KAT8: variants seen among roughly 807,000 people sequenced by gnomAD.
KAT8 encodes the protein histone acetyltransferase KAT8.
Under a neutral mutation model 62.9 loss-of-function variants are expected in KAT8, and 40 were observed. The ratio of observed to expected loss-of-function variants is 0.64; its 90% CI spans 0.49 to 0.83. The LOEUF (loss-of-function observed/expected upper bound fraction) is 0.83, where lower values mean the gene tolerates loss of function less well. KAT8 is among the 40% of genes least tolerant of loss of function. The pLI is 0.00. For missense variants in KAT8, 387 were observed against 614.8 expected (o/e 0.63, Z 3.92); for synonymous variants, 278 against 254.5 (o/e 1.09, Z -0.88).
At chr16:31,125,312 G>A (rs2057524824) in intron 3 of KAT8, among the ~76,000 whole-genome samples, 1 of 151,888 alleles carries the variant, frequency 6.6e-6, no homozygotes, top group African/African-American at 2.4e-5. Context: ...CTGTAAAATT[G>A]AAATAACGCA....
intron 3 of KAT8, among the ~76,000 whole-genome samples, chr16:31,121,359 G>C (rs532837374): frequency 1.3e-5 from 2 of 152,160 alleles, no homozygotes; most frequent in Non-Finnish European, 2.9e-5. Context: ...GACCTCAGGT[G>C]ATCTGCCCAC....
Position 31,130,296 on chromosome 16 carries a change from G to A in KAT8, c.942G>A (p.Val314=), listed in dbSNP as rs777219253. Residue 314 remains valine (V), a synonymous_variant, in exon 8 of 11, where the codon GTG becomes GTA. Coordinates refer to ENST00000219797, the MANE Select transcript of KAT8 (RefSeq NM_032188.3). The part of the protein sequence containing the change: ...KEKESPDGNN[V]ACILTLPPYQ... ...AGGAGTCCCCGGATGGAAACAATGT[G>A]GCCTGCATCCTGACCTTGCCCCCCT... The A allele has an allele frequency of 1.4e-5, 22 of 1,614,058 alleles. No homozygotes were observed. Among genetic ancestry groups the A allele is most frequent in the Non-Finnish European group, 1.1e-5 (13 of 1,180,036 alleles).
intron 6 of KAT8, among the ~76,000 whole-genome samples, chr16:31,128,655 G>C (rs2057550672): frequency 6.6e-6 from 1 of 152,196 alleles, no homozygotes; most frequent in African/African-American, 2.4e-5. Flanking sequence ...CTGCTGGTGG[G>C]GTTAGGTTCA....
rs781554310 is a variant in KAT8, at chr16:31,130,242, G to A, written c.913-25G>A. On this transcript the variant is annotated intron_variant, in intron 7 of 10. Coordinates refer to ENST00000219797, the MANE Select transcript of KAT8 (RefSeq NM_032188.3). ...GAGAGTGGGGCAGAGCCTCCCCAGC[G>A]GCCCTGAGCACCTGCCTCCTGCAGG... is the stretch of plus-strand genomic sequence containing the variant. 34 of 1,613,568 alleles carry A rather than the reference G, an allele frequency of 2.1e-5. No homozygotes were observed. The East Asian group carries it at 2.2e-4, about 11-fold the overall frequency.
chr16:31,123,405 T>A (rs1184668561), intron 3 of KAT8, among the ~76,000 whole-genome samples: 1 of 151,826 alleles, frequency 6.6e-6, no homozygotes, highest in Non-Finnish European at 1.5e-5. Context: ...TTAGTAGAGA[T>A]AGGGTTTCAC....
At chr16:31,119,622 C>T (rs2143965038) in intron 1 of KAT8, among the ~76,000 whole-genome samples, 2 of 152,168 alleles carry the variant, frequency 1.3e-5, no homozygotes, top group Middle Eastern at 6.8e-3. Context: ...AGGTAAGCCT[C>T]AGTTTTGTTC....
chr16:31,129,950 C>T lies in KAT8; in HGVS notation c.772-67C>T, dbSNP rs534274399. ...CCACTTCGCGTGGGCTGGTGCCGGC[C>T]GCTGGAACCAGCTGGGTGGGGCCTG... On this transcript the variant is annotated intron_variant, in intron 6 of 10. Coordinates refer to ENST00000219797, the MANE Select transcript of KAT8 (RefSeq NM_032188.3). 2.0e-3 allele frequency: 3,204 copies of T among 1,575,260 alleles called. 7 individuals are homozygous for T. Among genetic ancestry groups the T allele is most frequent in the Non-Finnish European group, 2.6e-3 (2,992 of 1,159,086 alleles).
chr16:31,130,236 C>A (rs752044920), intron 7 of KAT8, 31 bp from the exon 8 acceptor site: 2 of 1,612,974 alleles, frequency 1.2e-6, no homozygotes, highest in African/African-American at 1.3e-5. Flanking sequence ...GCAGAGCCTC[C>A]CCAGCGGCCC....
rs2855480 is a variant in KAT8 at position 31,130,572 on chromosome 16, G to A, written c.1123G>A (p.Asp375Asn). ...CTGGGTGCTGCTAGAGATCCTGCGG[G>A]ACTTCCGGGGCACACTGTCCATCAA... ...WSWVLLEILRDFRGTLSIKDL... is the reference protein window; with the variant it reads ...WSWVLLEILRNFRGTLSIKDL... The change falls in exon 9 of 11, where the codon GAC (aspartate) becomes AAC (asparagine). Residue 375 changes from aspartate (D) to asparagine (N), a missense_variant. Physicochemically the swap from Asp to Asn is conservative, Grantham distance 23 (BLOSUM62 1). Around this residue, in one of 6 missense-constraint regions of KAT8, gnomAD observed 75 missense variants for 105.7 expected, o/e 0.71. Coordinates refer to ENST00000219797, the MANE Select transcript of KAT8 (RefSeq NM_032188.3). 6.2e-7 allele frequency: 1 copy of A among 1,614,214 alleles called. No individual in the cohort carries two copies. The highest frequency in any genetic ancestry group is 8.5e-7 in the Non-Finnish European group (1 of 1,180,022).
chr16:31,129,729 T>A (rs928720002), intron 6 of KAT8, among the ~76,000 whole-genome samples: 3 of 152,220 alleles, frequency 2.0e-5, no homozygotes, highest in Non-Finnish European at 4.4e-5. Flanking sequence ...ACAGAGTTAA[T>A]GTCTGTGAAG....
chr16:31,125,646 G>C (rs1257000506), intron 3 of KAT8: 1 of 152,122 alleles, frequency 6.6e-6, no homozygotes, highest in Non-Finnish European at 1.5e-5. Flanking sequence ...TCTATGTAAG[G>C]GTTACTGAAA....
chr16:31,126,881 A>C, intron 3 of KAT8, 154 bp from the exon 4 acceptor site: 1 of 765,074 alleles, frequency 1.3e-6, no homozygotes, highest in Non-Finnish European at 2.1e-6. Flanking sequence ...CCAGCTTCAG[A>C]ACCAAGTCAG....
chr16:31,120,612 C>T, intron 3 of KAT8, 98 bp downstream of exon 3: 1 of 1,142,518 alleles, frequency 8.8e-7, no homozygotes, highest in Admixed American at 2.5e-5. Flanking sequence ...TAGCAAATCC[C>T]ATTTCTTAAG....
chr16:31,124,231 T>G (rs2057518086), intron 3 of KAT8, among the ~76,000 whole-genome samples: 2 of 152,374 alleles, frequency 1.3e-5, no homozygotes, highest in South Asian at 2.1e-4. Context: ...CCAACTCTGC[T>G]GAGTACCAGT....
At chr16:31,128,219 G>T in intron 6 of KAT8, 80 bp downstream of exon 6, 3 of 1,126,362 alleles carry the variant, frequency 2.7e-6, no homozygotes, top group South Asian at 1.3e-5. Flanking sequence ...CACCAAAGGG[G>T]AGGGGGCAGC....
At chr16:31,129,082 A>G (rs538520530) in intron 6 of KAT8, among the ~76,000 whole-genome samples, 3 of 152,380 alleles carry the variant, frequency 2.0e-5, no homozygotes, top group Non-Finnish European at 4.4e-5. Flanking sequence ...TTCCTTGTCC[A>G]TAAGACGGGA....
rs2057485164 is a variant in KAT8 at position 31,120,448 on chromosome 16, G to T, written c.396G>T (p.Glu132Asp). Reference sequence around the variant, plus strand: ...AGAAGTACCTGAGCGAGCTCGCAGAGCAGCCTGAGCGCAAGATCACTCGCA... The same window carrying T: ...AGAAGTACCTGAGCGAGCTCGCAGATCAGCCTGAGCGCAAGATCACTCGCA... ...NSEKYLSELAEQPERKITRNQ... is the reference protein window; with the variant it reads ...NSEKYLSELADQPERKITRNQ... Residue 132 changes from glutamate to aspartate, a missense_variant, in exon 3 of 11, where the codon GAG becomes GAT. Physicochemically the swap from Glu to Asp is conservative, Grantham distance 45. This residue lies in a region of KAT8 where 69 missense variants were observed against 127.0 expected (regional missense o/e 0.54). Transcript: ENST00000219797. The T allele has an allele frequency of 6.2e-7, 1 of 1,613,872 alleles. No homozygotes were observed. The highest frequency in any genetic ancestry group is 2.2e-5 in the East Asian group (1 of 44,882).
chr16:31,131,026 G>A, intron 10 of KAT8, 126 bp downstream of exon 10: 1 of 1,508,092 alleles, frequency 6.6e-7, no homozygotes, highest in Non-Finnish European at 8.9e-7. Flanking sequence ...CCAGGATGGA[G>A]CCCGGGGCAG....
chr16:31,130,806 C>T lies in KAT8; in HGVS notation c.1218C>T (p.Val406=), dbSNP rs755106956. The change falls in exon 10 of 11, where the codon GTC becomes GTT. Residue 406 remains valine, a synonymous_variant. Transcript: ENST00000219797. ...IISTLQSLNM[V]KYWKGQHVIC... is the part of the protein sequence containing the mutation. ...GTACCCTGCAATCCCTCAATATGGTCAAGTACTGGAAGGGCCAGCACGTGA... is the reference window on the plus strand; with the variant it reads ...GTACCCTGCAATCCCTCAATATGGTTAAGTACTGGAAGGGCCAGCACGTGA... 1 of 1,614,026 alleles carries T rather than the reference C, an allele frequency of 6.2e-7. No individual in the cohort carries two copies.
Sources: gnomAD v4.1 joint callset for allele counts (sites outside exome capture counted in the v4.1 genomes callset) on GRCh38, gnomAD v4.1.1 for gene constraint, gnomAD v4.1.1 regional missense constraint, MANE v1.5 for transcripts, NCBI Gene and HGNC (gene_info 2026-07-23, HGNC 2026-07-21) for gene names.